Variants in DENND2B observed in about 807,000 individuals in gnomAD.
The protein encoded by DENND2B is DENN domain containing 2B, also known as DENN domain-containing protein 2B.
DENND2B carries 32 observed loss-of-function variants against 116.0 expected under a neutral mutation model. The ratio of observed to expected loss-of-function variants is 0.28; its 90% CI spans 0.21 to 0.37. The LOEUF is 0.37. Ranked by LOEUF, DENND2B falls within the 10% of genes least tolerant of loss-of-function variation. DENND2B has a pLI of 1.00. For missense variants in DENND2B, 1,276 were observed against 1,477.7 expected (o/e 0.86, Z 2.24); for synonymous variants, 588 against 583.9 (o/e 1.01, Z -0.10).
intron 1 of DENND2B, among the ~76,000 whole-genome samples, chr11:8,781,148 G>A (rs1042460010): frequency 6.6e-5 from 10 of 152,182 alleles, no homozygotes; most frequent in South Asian, 2.1e-4. Flanking sequence ...CTGTGAGGCC[G>A]GAGCATTGAT....
intron 1 of DENND2B, among the ~76,000 whole-genome samples, chr11:8,899,545 A>G (rs2064139675): frequency 6.6e-6 from 1 of 152,172 alleles, no homozygotes; most frequent in Admixed American, 6.6e-5. Flanking sequence ...GCAGGGATCA[A>G]AGTGTTTAAA....
intron 1 of DENND2B, among the ~76,000 whole-genome samples, chr11:8,756,895 C>T (rs2053703431): frequency 6.6e-6 from 1 of 152,212 alleles, no homozygotes. Context: ...CCCTCAATGG[C>T]AAAGTCTAGG....
Position 8,702,302 on chromosome 11 carries a change from T to C in DENND2B, c.2720+270A>G, listed in dbSNP as rs2041849759. Among the ~76,000 whole-genome samples the C allele has an allele frequency of 6.6e-6, 1 of 152,150 alleles. No homozygotes were observed. Among genetic ancestry groups the C allele is most frequent in the African/African-American group, 2.4e-5 (1 of 41,430 alleles). ...TACATATCCCGGCACCTGCACAGTC[T>C]TGGCTGTTGCAAAGGAAGAAATATC... On this transcript the variant is annotated intron_variant, in intron 14 of 19. Transcript: ENST00000313726. This position sits in a 1 kb window ranked among gnomAD's most constrained non-coding sequence, Gnocchi z 4.6.
chr11:8,766,503 G>A, intron 1 of DENND2B: 1 of 771,180 alleles, frequency 1.3e-6, no homozygotes, highest in Non-Finnish European at 1.9e-6. Flanking sequence ...CTCAGACTTG[G>A]GCAATGTCCA....
In DENND2B at chr11:8,718,547, C is replaced by A. The variant is rs1027065794; in HGVS notation, c.1478-655G>T. ...TTCAGTAATGATCTGTTCGATGACT[C>A]TCCTACTGTAGTGTCTATTCCCTCT... On this transcript the variant is annotated intron_variant, in intron 4 of 19. Transcript: ENST00000313726. 8.4e-6 allele frequency: 12 copies of A among 1,426,006 alleles called. No homozygotes were observed. The Admixed American group carries it at 3.1e-4, about 37-fold the overall frequency. The allele number at this position is 1,426,006 out of a possible 1,614,324, so 88.3% of individuals were successfully genotyped here.
chr11:8,702,739 A>G lies in DENND2B; in HGVS notation c.2572-19T>C. 6.2e-7 allele frequency: 1 copy of G among 1,608,890 alleles called. No homozygotes were observed. Among genetic ancestry groups the G allele is most frequent in the Non-Finnish European group, 8.5e-7 (1 of 1,177,598 alleles). ...CTAACACCTGCAGGAGAGCGATGGG[A>G]AAGTGGGCCGGGGCCAGCCAAGTGG... is the stretch of plus-strand genomic sequence containing the variant. On this transcript the variant is annotated intron_variant, in intron 13 of 19. Transcript: ENST00000313726. This position sits in a 1 kb window ranked among gnomAD's most constrained non-coding sequence, Gnocchi z 4.6.
At chr11:8,723,025 C>A (rs61875930) in intron 4 of DENND2B, among the ~76,000 whole-genome samples, 1 of 152,146 alleles carries the variant, frequency 6.6e-6, no homozygotes. Context: ...CCTCATGCAA[C>A]ACCCAGAGTG....
chr11:8,807,465 C>T (rs969871128), intron 1 of DENND2B, among the ~76,000 whole-genome samples: 5 of 152,172 alleles, frequency 3.3e-5, no homozygotes, highest in East Asian at 1.9e-4. Flanking sequence ...CTGTACACCC[C>T]GCCCTTCATT....
chr11:8,721,366 C>A (rs1181497916), intron 4 of DENND2B, among the ~76,000 whole-genome samples: 1 of 152,118 alleles, frequency 6.6e-6, no homozygotes, highest in Admixed American at 6.5e-5. Flanking sequence ...CTCCCCCAGC[C>A]CCAACCTAAC....
intron 4 of DENND2B, among the ~76,000 whole-genome samples, chr11:8,719,933 CA>C (rs1311602592): frequency 6.6e-6 from 1 of 152,206 alleles, no homozygotes; most frequent in Non-Finnish European, 1.5e-5. Flanking sequence ...AAGCCACTGA[CA>C]TTTGGGGTTG....
chr11:8,701,642 T>A (rs2041702673), intron 14 of DENND2B, among the ~76,000 whole-genome samples: 1 of 152,158 alleles, frequency 6.6e-6, no homozygotes, highest in Non-Finnish European at 1.5e-5. Flanking sequence ...CTAGTGTTCC[T>A]GCACTCATCG....
chr11:8,783,771 A>C (rs1410967431), intron 1 of DENND2B, among the ~76,000 whole-genome samples: 1 of 152,202 alleles, frequency 6.6e-6, no homozygotes, highest in African/African-American at 2.4e-5. Flanking sequence ...GGAAAAGGTA[A>C]GCAGAAAAAG....
chr11:8,857,591 T>C (rs2063238459), intron 2 of DENND2B, among the ~76,000 whole-genome samples: 1 of 152,226 alleles, frequency 6.6e-6, no homozygotes, highest in Non-Finnish European at 1.5e-5. Flanking sequence ...CTGATTCCAA[T>C]AGACCACCTA....
At chr11:8,909,471 A>G (rs1317483777) in intron 1 of DENND2B, among the ~76,000 whole-genome samples, 1 of 142,026 alleles carries the variant, frequency 7.0e-6, no homozygotes, top group Non-Finnish European at 1.6e-5. Context: ...AGGAGAAGAA[A>G]TGGAAAAAAA....
chr11:8,902,280 CACA>C (rs1448592175), intron 1 of DENND2B, among the ~76,000 whole-genome samples: 3 of 149,796 alleles, frequency 2.0e-5, no homozygotes, highest in Non-Finnish European at 2.9e-5. Context: ...GAGCTGAGAT[CACA>C]CCACTGCACT....
At chr11:8,861,076 A>G (rs2063374791) in intron 2 of DENND2B, among the ~76,000 whole-genome samples, 1 of 152,192 alleles carries the variant, frequency 6.6e-6, no homozygotes, top group Non-Finnish European at 1.5e-5. Flanking sequence ...ATGAAACCAT[A>G]AAAATTCTAA....
At position 8,707,670 on chromosome 11, in the gene DENND2B, C is replaced by A. The variant is rs1048541349; in HGVS notation, c.2430+107G>T. 8 of 1,074,910 alleles carry A rather than the reference C, an allele frequency of 7.4e-6. No individual in the cohort carries two copies. The highest frequency in any genetic ancestry group is 3.1e-5 in the African/African-American group (2 of 63,586). 66.6% of individuals were successfully genotyped at this position (1,074,910 alleles called of 1,614,324 possible). ...GTACTTGTTCCTGCATTCTGTCTCC[C>A]GCTCGCTCACAGTCACAGGTGGTTT... is the stretch of plus-strand genomic sequence containing the variant. On this transcript the variant is annotated intron_variant, in intron 12 of 19. Transcript: ENST00000313726. This position sits in a 1 kb window ranked among gnomAD's most constrained non-coding sequence, Gnocchi z 4.8.
At chr11:8,871,175 G>C (rs2063770584) in intron 1 of DENND2B, 2 of 152,290 alleles carry the variant, frequency 1.3e-5, no homozygotes, top group Non-Finnish European at 2.9e-5. Context: ...GAGAGGGTGG[G>C]CTGCTGGAGC....
chr11:8,699,764 T>C, intron 14 of DENND2B: 1 of 436,788 alleles, frequency 2.3e-6, no homozygotes. Flanking sequence ...GTGGGTACCC[T>C]CTCCCACCCC....
Sources: allele counts gnomAD v4.1 joint callset (sites outside exome capture counted in the v4.1 genomes callset), GRCh38; gene constraint gnomAD v4.1.1; non-coding constraint Gnocchi (gnomAD v3.1); transcripts MANE v1.5; gene names NCBI Gene and HGNC (gene_info 2026-07-23, HGNC 2026-07-21).